The following USP9Y variants were observed in gnomAD, a reference collection of about 807,000 sequenced individuals.
USP9Y encodes ubiquitin carboxyl-terminal hydrolase 9Y.
A neutral mutation model predicts 53.1 loss-of-function variants in USP9Y; 41 were observed. The ratio of observed to expected loss-of-function variants is 0.77; its 90% confidence interval spans 0.60 to 1.00. The LOEUF (loss-of-function observed/expected upper bound fraction) is 1.00. Ranked by LOEUF, USP9Y falls within the 50% of genes least tolerant of loss-of-function variation. USP9Y has a pLI of 0.00. For missense variants in USP9Y, 567 were observed against 535.8 expected (o/e 1.06, Z -0.58); for synonymous variants, 220 against 173.7 (o/e 1.27, Z -2.09).
At chrY:12,826,813 AT>A (rs2053546887) in intron 33 of USP9Y, among the ~76,000 whole-genome samples, 2 of 32,649 alleles carry the variant, frequency 6.1e-5, no homozygotes, top group East Asian at 1.6e-3. Context: ...TTTGGACTTA[AT>A]TTGCCTCCTT....
chrY:12,733,170 C>T (rs2053448455), intron 7 of USP9Y, among the ~76,000 whole-genome samples: 2 of 30,930 alleles, frequency 6.5e-5, no homozygotes, highest in African/African-American at 2.6e-4. Flanking sequence ...CCGCCCGCCG[C>T]GGCCTCCCAA....
chrY:12,783,412 A>C (rs2053499564), intron 22 of USP9Y, among the ~76,000 whole-genome samples: 1 of 33,451 alleles, frequency 3.0e-5, no homozygotes, highest in African/African-American at 1.2e-4. Context: ...GAAGGAGGAC[A>C]GATGGGGAAA....
chrY:12,726,628 G>A lies in USP9Y; in HGVS notation c.492G>A (p.Leu164=). 4 of 398,383 alleles carry A rather than the reference G, an allele frequency of 1.0e-5. No homozygotes were observed. Among genetic ancestry groups the A allele is most frequent in the East Asian group, 1.8e-4 (2 of 10,829 alleles). Residue 164 remains leucine, a synonymous_variant, in exon 7 of 46, where the codon TTG becomes TTA. Transcript: ENST00000338981. ...HRLVELCVAK[L]SQDWFPLLEL... ...TAGTGGAGCTTTGTGTGGCCAAGTTGTCCCAAGATTGGTTTCCACTTCTAG... is the reference window on the plus strand; with the variant it reads ...TAGTGGAGCTTTGTGTGGCCAAGTTATCCCAAGATTGGTTTCCACTTCTAG...
At chrY:12,818,909 G>T in intron 33 of USP9Y, among the ~76,000 whole-genome samples, 1 of 33,609 alleles carries the variant, frequency 3.0e-5, no homozygotes, top group Non-Finnish European at 7.4e-5. Flanking sequence ...GCCAGGCACG[G>T]TGGCTCACGC....
At chrY:12,722,609 T>C (rs769278001) in intron 5 of USP9Y, among the ~76,000 whole-genome samples, 2 of 33,064 alleles carry the variant, frequency 6.0e-5, no homozygotes, top group East Asian at 1.6e-3. Flanking sequence ...GGAGGGGATA[T>C]AGCTCAGGGT....
Position 12,811,789 on chromosome Y carries a change from C to CT in USP9Y, c.4386+18dup, listed in dbSNP as rs762320798. 2.4e-4 allele frequency: 86 copies of CT among 352,973 alleles called. No individual in the cohort carries two copies. The East Asian group carries it at 8.3e-3, about 34-fold the overall frequency. 88.0% of individuals were successfully genotyped at this position (352,973 alleles called of 400,897 possible). A position where few individuals can be genotyped will look rare whatever the true frequency, so the allele number is the denominator to read the frequency against. On this transcript the variant is annotated intron_variant, in intron 30 of 45. Transcript: ENST00000338981. ...GGTGCTAATCTCATTAAAGTAAGTA[C>CT]TTTTTTTTTTCTTTTTTTGAGATGG...
At chrY:12,835,015 A>C in intron 34 of USP9Y, among the ~76,000 whole-genome samples, 3 of 33,281 alleles carry the variant, frequency 9.0e-5, no homozygotes, top group Non-Finnish European at 7.4e-5. Flanking sequence ...ATTAGCATCC[A>C]AGACTTCTAT....
intron 27 of USP9Y, among the ~76,000 whole-genome samples, chrY:12,805,201 C>T: frequency 3.0e-5 from 1 of 33,391 alleles, no homozygotes; most frequent in African/African-American, 1.2e-4. Flanking sequence ...TTCTTTCTCT[C>T]TTCTCTTTGA....
At chrY:12,724,837 G>A in intron 5 of USP9Y, among the ~76,000 whole-genome samples, 1 of 32,910 alleles carries the variant, frequency 3.0e-5, no homozygotes, top group Admixed American at 2.8e-4. Flanking sequence ...TTTTTCTGAT[G>A]TCATATTTTC....
intron 33 of USP9Y, among the ~76,000 whole-genome samples, chrY:12,830,179 G>A (rs2053549797): frequency 3.0e-5 from 1 of 33,063 alleles, no homozygotes; most frequent in African/African-American, 1.2e-4. Flanking sequence ...AATACAACAC[G>A]GCAAAGAAAA....
chrY:12,775,331 A>G, intron 17 of USP9Y, 140 bp from the exon 18 acceptor site: 1 of 120,985 alleles, frequency 8.3e-6, no homozygotes, highest in Non-Finnish European at 1.5e-5. Flanking sequence ...AAGATCCCTT[A>G]TTGTATATTA....
intron 28 of USP9Y, 53 bp downstream of exon 28, chrY:12,810,340 A>G: frequency 5.1e-5 from 15 of 292,196 alleles, no homozygotes; most frequent in South Asian, 4.9e-4. Flanking sequence ...AACATGAGAG[A>G]CATTCAGAAA....
intron 15 of USP9Y, among the ~76,000 whole-genome samples, chrY:12,764,002 G>A: frequency 3.1e-5 from 1 of 32,281 alleles, no homozygotes; most frequent in Non-Finnish European, 7.5e-5. Context: ...CAGCTATGAA[G>A]TACTATTAAA....
chrY:12,805,666 A>G (rs923182155), intron 27 of USP9Y, among the ~76,000 whole-genome samples: 4 of 33,353 alleles, frequency 1.2e-4, no homozygotes, highest in African/African-American at 4.7e-4. Context: ...CCAAGCTATG[A>G]AATTGATCAA....
Position 12,840,543 on chromosome Y carries a change from A to G in USP9Y, c.6017A>G (p.Tyr2006Cys). 2.5e-6 allele frequency: 1 copy of G among 397,576 alleles called. No individual in the cohort carries two copies. Among genetic ancestry groups the G allele is most frequent in the Non-Finnish European group, 3.5e-6 (1 of 283,087 alleles). Residue 2006 changes from tyrosine to cysteine, a missense_variant, in exon 36 of 46, where the codon TAT (tyrosine) becomes TGT (cysteine). By Grantham distance (194) the Tyr-to-Cys change is radical (BLOSUM62 -2). Transcript: ENST00000338981. ...AAATTTATGCATAACCGATTGCAAT[A>G]TAGTTTAGAGTATTTTCAGTTTGTG... ...NVKFMHNRLQ[Y>C]SLEYFQFVKK...
At chrY:12,737,709 A>G (rs2053453039) in intron 10 of USP9Y, among the ~76,000 whole-genome samples, 1 of 33,862 alleles carries the variant, frequency 3.0e-5, no homozygotes, top group African/African-American at 1.1e-4. Flanking sequence ...TGGCACTTTT[A>G]TTGTATTTTA....
At chrY:12,756,348 G>A in intron 12 of USP9Y, among the ~76,000 whole-genome samples, 1 of 32,876 alleles carries the variant, frequency 3.0e-5, no homozygotes, top group Non-Finnish European at 7.4e-5. Flanking sequence ...CAATTTGCAT[G>A]TTTCCTGATC....
At chrY:12,842,880 C>T in intron 38 of USP9Y, among the ~76,000 whole-genome samples, 184 bp from the exon 39 acceptor site, 3 of 33,108 alleles carry the variant, frequency 9.1e-5, no homozygotes, top group African/African-American at 3.5e-4. Context: ...TTTACAGTTA[C>T]AGTAACATAC....
intron 27 of USP9Y, among the ~76,000 whole-genome samples, chrY:12,794,284 A>G (rs2053511095): frequency 2.9e-5 from 1 of 33,937 alleles, no homozygotes; most frequent in Non-Finnish European, 7.3e-5. Flanking sequence ...GGCCACTTGT[A>G]TATCTGCTTT....
Sources: allele counts gnomAD v4.1 joint callset (sites outside exome capture counted in the v4.1 genomes callset), GRCh38; gene constraint gnomAD v4.1.1; transcripts MANE v1.5; gene names NCBI Gene and HGNC (gene_info 2026-07-23, HGNC 2026-07-21).